Variants in MRPS21 observed in about 807,000 individuals in gnomAD.
The protein encoded by MRPS21 is small ribosomal subunit protein bS21m.
A neutral mutation model predicts 9.9 loss-of-function variants in MRPS21; 8 were observed. The observed-to-expected ratio is 0.81, with a 90% CI of 0.47 to 1.45. The LOEUF is 1.45. Among genes scored for constraint, MRPS21 ranks in the 40% most tolerant of loss-of-function variants. The probability of loss-of-function intolerance (pLI) is 0.00; values close to 1 mark genes in which losing one functional copy is unlikely to be tolerated. For missense variants in MRPS21, 101 were observed against 118.9 expected (o/e 0.85, Z 0.70); for synonymous variants, 40 against 40.3 (o/e 0.99, Z 0.03).
rs782214468 is a variant in MRPS21 at position 150,308,222 on chromosome 1, C to T, written c.258C>T (p.Gly86=). 2 of 1,589,406 alleles carry T rather than the reference C, an allele frequency of 1.3e-6. No individual in the cohort carries two copies. The highest frequency in any genetic ancestry group is 1.7e-4 in the Middle Eastern group (1 of 5,972). ...AGAATCGGGCAGATCCGTGGCAGGG[C>T]TGCTGAGGCCTGTGGGTGGGACACC... ...MRKNRADPWQ[G]C The change falls in exon 3 of 3, where the codon GGC becomes GGT. Residue 86 remains glycine, a synonymous_variant. Coordinates refer to ENST00000614145, the MANE Select transcript of MRPS21 (RefSeq NM_031901.6).
At chr1:150,297,220 G>A (rs1323526113) in intron 2 of MRPS21, among the ~76,000 whole-genome samples, 1 of 151,858 alleles carries the variant, frequency 6.6e-6, no homozygotes, top group African/African-American at 2.4e-5. Flanking sequence ...GAACCCGGGA[G>A]GAGGAGGTTG....
intron 2 of MRPS21, among the ~76,000 whole-genome samples, chr1:150,296,370 G>C (rs1653916344): frequency 6.6e-6 from 1 of 152,200 alleles, no homozygotes; most frequent in South Asian, 2.1e-4. Flanking sequence ...TCCCCAATGT[G>C]AAGTAACATT....
rs587628688 is a variant in MRPS21 at position 150,296,173 on chromosome 1, C to T, written c.83+1724C>T. Among the ~76,000 whole-genome samples the T allele has an allele frequency of 3.1e-3, 474 of 152,260 alleles. 3 individuals are homozygous for T. The highest frequency in any genetic ancestry group is 0.011 in the African/African-American group (450 of 41,562). ...CCACGTTAGCCAAGATGGTCTCAAT[C>T]TCTTGACCTCGTGATCCACCCGCCT... On this transcript the variant is annotated intron_variant, in intron 2 of 2. Transcript: ENST00000614145.
intron 2 of MRPS21, among the ~76,000 whole-genome samples, chr1:150,302,683 G>GTAC (rs1311208652): frequency 6.6e-6 from 1 of 152,142 alleles, no homozygotes; most frequent in African/African-American, 2.4e-5. Flanking sequence ...AGCTCTTGAT[G>GTAC]TACTAGTCCT....
At chr1:150,307,740 G>A (rs909533544) in intron 2 of MRPS21, among the ~76,000 whole-genome samples, 1 of 151,942 alleles carries the variant, frequency 6.6e-6, no homozygotes, top group Non-Finnish European at 1.5e-5. Flanking sequence ...TACGAAGCCT[G>A]GCTAATTATT....
chr1:150,306,556 CGCAACCTTGGCTTACT>C (rs1560067227), intron 2 of MRPS21, among the ~76,000 whole-genome samples: 1 of 151,714 alleles, frequency 6.6e-6, no homozygotes, highest in Admixed American at 6.6e-5. Context: ...AGTGCAGTGG[CGCAACCTTGGCTTACT>C]GCAATCTCCG....
chr1:150,307,350 T>G (rs1481247931), intron 2 of MRPS21, among the ~76,000 whole-genome samples: 1 of 26,138 alleles, frequency 3.8e-5, no homozygotes, highest in Admixed American at 4.6e-4. Context: ...GCCCAGTCCT[T>G]TTTTTTTTTT....
chr1:150,299,444 T>TTTTG (rs369839952), intron 2 of MRPS21, among the ~76,000 whole-genome samples: 6,702 of 151,592 alleles, frequency 0.044, 493 homozygotes, highest in African/African-American at 0.15. Context: ...TTTTTCTGTT[T>TTTTG]TTTGTTTGTT....
intron 2 of MRPS21, among the ~76,000 whole-genome samples, chr1:150,307,254 G>A (rs1439010059): frequency 3.3e-5 from 5 of 151,368 alleles, no homozygotes; most frequent in African/African-American, 1.2e-4. Context: ...CACCATATTG[G>A]TCAGGCTGGT....
intron 2 of MRPS21, among the ~76,000 whole-genome samples, chr1:150,303,571 A>G (rs1269674778): frequency 3.3e-5 from 5 of 152,338 alleles, no homozygotes; most frequent in Non-Finnish European, 7.3e-5. Flanking sequence ...GAGAAGCAGA[A>G]TACTGTTGTA....
intron 2 of MRPS21, among the ~76,000 whole-genome samples, chr1:150,298,918 G>A (rs1394812484): frequency 6.6e-6 from 1 of 152,110 alleles, no homozygotes; most frequent in Non-Finnish European, 1.5e-5. Context: ...TCTTACAGTT[G>A]TATCAAGAGA....
At chr1:150,296,005 G>A (rs1283897264) in intron 2 of MRPS21, among the ~76,000 whole-genome samples, 2 of 149,972 alleles carry the variant, frequency 1.3e-5, no homozygotes, top group African/African-American at 2.5e-5. Flanking sequence ...AGGCTGGAGC[G>A]CAGTGGTGCA....
At chr1:150,296,843 G>A (rs1221434404) in intron 2 of MRPS21, among the ~76,000 whole-genome samples, 1 of 151,858 alleles carries the variant, frequency 6.6e-6, no homozygotes, top group East Asian at 1.9e-4. Context: ...AGCAGGTGTC[G>A]CTTTAAAAAA....
At chr1:150,301,296 T>A (rs782394341) in intron 2 of MRPS21, 3 of 265,198 alleles carry the variant, frequency 1.1e-5, no homozygotes, top group Non-Finnish European at 1.5e-5. Context: ...GATGGCGCCA[T>A]TGCACTCCAA....
At chr1:150,298,852 A>G (rs1054240974) in intron 2 of MRPS21, among the ~76,000 whole-genome samples, 2 of 151,710 alleles carry the variant, frequency 1.3e-5, no homozygotes, top group African/African-American at 4.8e-5. Flanking sequence ...TGCCCACCTC[A>G]GCCTCCCAAA....
chr1:150,299,382 A>C (rs1654028429), intron 2 of MRPS21, among the ~76,000 whole-genome samples: 1 of 149,932 alleles, frequency 6.7e-6, no homozygotes, highest in African/African-American at 2.4e-5. Flanking sequence ...ATCCTTGTCC[A>C]GCCACTATAT....
At chr1:150,307,169 G>T (rs71622689) in intron 2 of MRPS21, among the ~76,000 whole-genome samples, 2 of 150,870 alleles carry the variant, frequency 1.3e-5, no homozygotes, top group Admixed American at 1.3e-4. Context: ...CCTGCCTCCT[G>T]AGTAGCTGGG....
intron 2 of MRPS21, among the ~76,000 whole-genome samples, chr1:150,299,197 C>T (rs1280568535): frequency 1.3e-5 from 2 of 152,070 alleles, no homozygotes; most frequent in Non-Finnish European, 2.9e-5. Flanking sequence ...TCCCCATTTA[C>T]ACCTAAAATT....
chr1:150,296,195 G>A (rs782502597), intron 2 of MRPS21, among the ~76,000 whole-genome samples: 8 of 152,052 alleles, frequency 5.3e-5, no homozygotes, highest in Non-Finnish European at 5.9e-5. Flanking sequence ...TGATCCACCC[G>A]CCTTGGCCTC....
Sources: allele counts gnomAD v4.1 joint callset (sites outside exome capture counted in the v4.1 genomes callset), GRCh38; gene constraint gnomAD v4.1.1; transcripts MANE v1.5; gene names NCBI Gene and HGNC (gene_info 2026-07-23, HGNC 2026-07-21).